CAVIN1: variants seen among roughly 807,000 people sequenced by gnomAD.
CAVIN1 encodes caveolae associated protein 1.
CAVIN1 carries 16 observed loss-of-function variants against 24.0 expected under a neutral mutation model. The observed-to-expected ratio is 0.67, with a 90% CI of 0.45 to 1.01. The LOEUF is 1.01. Among genes scored for constraint, CAVIN1 ranks in the 50% least tolerant of loss-of-function variants. CAVIN1 has a pLI of 0.00. For missense variants in CAVIN1, 510 were observed against 551.7 expected (o/e 0.92, Z 0.76); for synonymous variants, 256 against 256.4 (o/e 1.00, Z 0.02).
In CAVIN1 at chr17:42,405,049, C is replaced by T. The variant is rs1567776290; in HGVS notation, c.811G>A (p.Glu271Lys). 4 of 1,614,166 alleles carry T rather than the reference C, an allele frequency of 2.5e-6. No homozygotes were observed. The highest frequency in any genetic ancestry group is 2.5e-6 in the Non-Finnish European group (3 of 1,180,010). Reference sequence around the variant, plus strand: ...GTGCCCAGCTTGTTCATGCGCTTCTCCAGGGTGTGCCGCGTCTTCTCCAGG... The same window carrying T: ...GTGCCCAGCTTGTTCATGCGCTTCTTCAGGGTGTGCCGCGTCTTCTCCAGG... ...ENLEKTRHTL[E>K]KRMNKLGTRL... Residue 271 changes from glutamate to lysine, a missense_variant, in exon 2 of 2, where the codon GAG becomes AAG. By Grantham distance (56) the Glu-to-Lys change is moderately conservative. Coordinates refer to ENST00000357037, the MANE Select transcript of CAVIN1 (RefSeq NM_012232.6).
chr17:42,410,990 A>T (rs1235942507), intron 1 of CAVIN1, among the ~76,000 whole-genome samples: 1 of 147,726 alleles, frequency 6.8e-6, no homozygotes, highest in Non-Finnish European at 1.5e-5. Context: ...GAGGCGGGGC[A>T]GATCACCTGA....
At chr17:42,410,268 G>A (rs1458791326) in intron 1 of CAVIN1, among the ~76,000 whole-genome samples, 1 of 152,164 alleles carries the variant, frequency 6.6e-6, no homozygotes, top group African/African-American at 2.4e-5. Flanking sequence ...GACTGGAGAG[G>A]TAATTCAGAG....
chr17:42,404,590 C>CA lies in CAVIN1; in HGVS notation c.*96dup. On this transcript the variant is annotated 3_prime_UTR_variant, in exon 2 of 2. Coordinates refer to ENST00000357037, the MANE Select transcript of CAVIN1 (RefSeq NM_012232.6). ...AGGTGTGGGGAGGGGGGCGTGTTTT[C>CA]AATTTAGAAAAATCTCAGCCAGCTC... is the stretch of plus-strand genomic sequence containing the variant. 1.1e-6 allele frequency: 1 copy of CA among 871,282 alleles called. No homozygotes were observed. Among genetic ancestry groups the CA allele is most frequent in the South Asian group, 2.0e-5 (1 of 49,082 alleles). 54.0% of individuals were successfully genotyped at this position (871,282 alleles called of 1,614,324 possible).
rs1368333324 is a variant in CAVIN1, at chr17:42,405,215, C to T, written c.645G>A (p.Glu215=). 9 of 1,613,898 alleles carry T rather than the reference C, an allele frequency of 5.6e-6. No individual in the cohort carries two copies. The highest frequency in any genetic ancestry group is 7.6e-6 in the Non-Finnish European group (9 of 1,179,994). ...TGCGCTTGATACGCTCTGCGCGGGA[C>T]TCCTCAATAACCTCCTCAACCTCCA... ...EAVEVEEVIE[E]SRAERIKRSG... The change falls in exon 2 of 2, where the codon GAG becomes GAA. Residue 215 remains glutamate, a synonymous_variant. Transcript: ENST00000357037.
At chr17:42,422,576 G>T in intron 1 of CAVIN1, 51 bp downstream of exon 1, 1 of 1,447,646 alleles carries the variant, frequency 6.9e-7, no homozygotes, top group Non-Finnish European at 9.4e-7. Flanking sequence ...CCAGGCAGGG[G>T]ACGCGGGCCG....
In CAVIN1 at chr17:42,404,919, G is replaced by T; in HGVS notation, c.941C>A (p.Ala314Glu). ...DHVVYARSKT[A>E]VYKVPPFTFH... Reference sequence around the variant, plus strand: ...GGTGAAGGGTGGCACCTTGTAGACCGCGGTCTTGGAGCGCGCGTACACCAC... The same window carrying T: ...GGTGAAGGGTGGCACCTTGTAGACCTCGGTCTTGGAGCGCGCGTACACCAC... Residue 314 changes from alanine (A) to glutamate (E), a missense_variant, in exon 2 of 2, where the codon GCG (alanine) becomes GAG (glutamate). Physicochemically the swap from Ala to Glu is moderately radical, Grantham distance 107 (BLOSUM62 -1). Transcript: ENST00000357037. The T allele has an allele frequency of 6.2e-7, 1 of 1,614,090 alleles. No homozygotes were observed. The highest frequency in any genetic ancestry group is 8.5e-7 in the Non-Finnish European group (1 of 1,179,974).
At chr17:42,413,697 C>T (rs959983856) in intron 1 of CAVIN1, among the ~76,000 whole-genome samples, 4 of 151,228 alleles carry the variant, frequency 2.6e-5, no homozygotes, top group African/African-American at 9.7e-5. Flanking sequence ...CTACAATATT[C>T]CCCAGTCCCA....
At chr17:42,410,034 C>T (rs1448949939) in intron 1 of CAVIN1, among the ~76,000 whole-genome samples, 1 of 152,156 alleles carries the variant, frequency 6.6e-6, no homozygotes, top group Non-Finnish European at 1.5e-5. Context: ...GCCTCTTCCA[C>T]TCCACCCCCC....
Position 42,403,112 on chromosome 17 carries a change from G to A in CAVIN1, c.*1575C>T, listed in dbSNP as rs919735920. On this transcript the variant is annotated 3_prime_UTR_variant, in exon 2 of 2. Coordinates refer to ENST00000357037, the MANE Select transcript of CAVIN1 (RefSeq NM_012232.6). ...AAACAGCGTATCACTCTGTTGCCTA[G>A]GATGGAGCACAGAGGCACCCTCATA... The A allele has an allele frequency of 6.6e-6, 1 of 152,350 alleles. No homozygotes were observed. Among genetic ancestry groups the A allele is most frequent in the Non-Finnish European group, 1.5e-5 (1 of 68,176 alleles). The allele number at this position is 152,350 out of a possible 1,614,324, so 9.4% of individuals were successfully genotyped here.
Position 42,404,378 on chromosome 17 carries a change from C to A in CAVIN1, c.*309G>T. 1 of 247,018 alleles carries A rather than the reference C, an allele frequency of 4.0e-6. No individual in the cohort carries two copies. The highest frequency in any genetic ancestry group is 7.7e-6 in the Non-Finnish European group (1 of 129,378). 15.3% of individuals were successfully genotyped at this position (247,018 alleles called of 1,614,324 possible). Reference sequence around the variant, plus strand: ...GGGAGAGGCTGAGGGGAAGGCAGCCCCCCCAGGGGGGCCTAACCGTGGAAT... The same window carrying A: ...GGGAGAGGCTGAGGGGAAGGCAGCCACCCCAGGGGGGCCTAACCGTGGAAT... On this transcript the variant is annotated 3_prime_UTR_variant, in exon 2 of 2. Coordinates refer to ENST00000357037, the MANE Select transcript of CAVIN1 (RefSeq NM_012232.6).
chr17:42,410,195 C>T (rs1236311416), intron 1 of CAVIN1, among the ~76,000 whole-genome samples: 2 of 152,212 alleles, frequency 1.3e-5, no homozygotes, highest in Non-Finnish European at 2.9e-5. Flanking sequence ...GGGTAGGAGG[C>T]TCTCTTGACT....
chr17:42,404,953 G>A lies in CAVIN1; in HGVS notation c.907C>T (p.Pro303Ser). The A allele has an allele frequency of 3.1e-6, 5 of 1,614,136 alleles. No homozygotes were observed. The highest frequency in any genetic ancestry group is 4.2e-6 in the Non-Finnish European group (5 of 1,180,002). ...GAGCGCGCGTACACCACGTGGTCGG[G>A]CGTGAAGGATTTGCGCAACTTGTCC... ...SRDKLRKSFT[P>S]DHVVYARSKT... Residue 303 changes from proline (P) to serine (S), a missense_variant, in exon 2 of 2, where the codon CCC becomes TCC. Pro to Ser is a moderately conservative substitution (Grantham distance 74). Coordinates refer to ENST00000357037, the MANE Select transcript of CAVIN1 (RefSeq NM_012232.6).
chr17:42,411,209 A>AAAAAAAAAAAAAAAAAAAG (rs2085475867), intron 1 of CAVIN1, among the ~76,000 whole-genome samples: 1 of 138,880 alleles, frequency 7.2e-6, no homozygotes, highest in African/African-American at 2.6e-5. Flanking sequence ...AAAAAAAAAA[A>AAAAAAAAAAAAAAAAAAAG]CTAAAAGGTC....
intron 1 of CAVIN1, among the ~76,000 whole-genome samples, chr17:42,419,305 G>GTTATTATTA (rs143185919): frequency 4.0e-5 from 6 of 150,096 alleles, no homozygotes; most frequent in African/African-American, 9.8e-5. Flanking sequence ...ATTTATTGTT[G>GTTATTATTA]TTATTATTAT....
intron 1 of CAVIN1, among the ~76,000 whole-genome samples, chr17:42,420,441 C>A (rs780733972): frequency 1.3e-5 from 2 of 152,238 alleles, no homozygotes; most frequent in Non-Finnish European, 2.9e-5. Context: ...CCAAGCCTCA[C>A]CCCATTTGCT....
rs536388188 is a variant in CAVIN1 at position 42,410,840 on chromosome 17, G to A, written c.472-5452C>T. Among the ~76,000 whole-genome samples the A allele has an allele frequency of 2.9e-5, 4 of 139,346 alleles. No homozygotes were observed. In the South Asian group the frequency reaches 9.5e-4, roughly 33 times the overall value. 91.4% of individuals were successfully genotyped at this position (139,346 alleles called of 152,430 possible). A position where few individuals can be genotyped will look rare whatever the true frequency, so the allele number is the denominator to read the frequency against. ...ACCAGGGAGGTGGAGATTGCAGTGA[G>A]CCGAGATCGTGCCACTGTAATCCAG... On this transcript the variant is annotated intron_variant, in intron 1 of 1. Coordinates refer to ENST00000357037, the MANE Select transcript of CAVIN1 (RefSeq NM_012232.6).
chr17:42,420,638 C>G (rs2085539445), intron 1 of CAVIN1, among the ~76,000 whole-genome samples: 1 of 152,156 alleles, frequency 6.6e-6, no homozygotes, highest in African/African-American at 2.4e-5. Flanking sequence ...TCCCTCCCAC[C>G]CCCTAAAATA....
In CAVIN1 at chr17:42,404,891, G is replaced by T; in HGVS notation, c.969C>A (p.Phe323Leu). Residue 323 changes from phenylalanine to leucine, a missense_variant, in exon 2 of 2, where the codon TTC becomes TTA. Transcript: ENST00000357037. ...GGCCCTCGCGGATCTTCTTGACGTG[G>T]AAGGTGAAGGGTGGCACCTTGTAGA... ...TAVYKVPPFTFHVKKIREGQV... is the reference protein window; with the variant it reads ...TAVYKVPPFTLHVKKIREGQV... The T allele has an allele frequency of 1.2e-6, 2 of 1,614,030 alleles. No individual in the cohort carries two copies. The highest frequency in any genetic ancestry group is 1.7e-6 in the Non-Finnish European group (2 of 1,179,944).
intron 1 of CAVIN1, among the ~76,000 whole-genome samples, chr17:42,406,249 C>T (rs1414263010): frequency 6.6e-6 from 1 of 152,178 alleles, no homozygotes; most frequent in African/African-American, 2.4e-5. Context: ...ACTGCCCGAG[C>T]CAGGCCGAAA....
Sources: gnomAD v4.1 joint callset for allele counts (sites outside exome capture counted in the v4.1 genomes callset) on GRCh38, gnomAD v4.1.1 for gene constraint, MANE v1.5 for transcripts, NCBI Gene and HGNC (gene_info 2026-07-23, HGNC 2026-07-21) for gene names.